The following ARID2 variants were observed in gnomAD, a reference collection of about 807,000 sequenced individuals.
ARID2 encodes AT-rich interaction domain 2.
A neutral mutation model predicts 184.6 loss-of-function variants in ARID2; 32 were observed. That is an observed-to-expected ratio of 0.17 (90% CI 0.13 to 0.23). The LOEUF (loss-of-function observed/expected upper bound fraction) is 0.23, where lower values mean the gene tolerates loss of function less well. ARID2 is among the 10% of genes least tolerant of loss of function. The probability of loss-of-function intolerance (pLI) is 1.00; values close to 1 mark genes in which losing one functional copy is unlikely to be tolerated. For synonymous variants in ARID2, 836 were observed against 772.6 expected, an observed-to-expected ratio of 1.08 and a Z score of -1.36; for missense variants, 1,696 against 2,197.6, an observed-to-expected ratio of 0.77 and a Z score of 4.56.
intron 3 of ARID2, among the ~76,000 whole-genome samples, chr12:45,739,438 C>CTTTTTTTTTTTTTTTTTTTTT (rs71067906): frequency 1.1e-5 from 1 of 90,780 alleles, no homozygotes; most frequent in Non-Finnish European, 2.0e-5. Flanking sequence ...TATAAAGTTA[C>CTTTTTTTTTTTTTTTTTTTTT]TTTTTTTTTT....
At chr12:45,758,413 G>A (rs1941611318) in intron 3 of ARID2, among the ~76,000 whole-genome samples, 1 of 151,580 alleles carries the variant, frequency 6.6e-6, no homozygotes, top group Admixed American at 6.6e-5. Flanking sequence ...AAGCTCATCA[G>A]CGATTGTTAG....
intron 6 of ARID2, among the ~76,000 whole-genome samples, chr12:45,834,537 C>A (rs1943179735): frequency 6.6e-6 from 1 of 152,098 alleles, no homozygotes; most frequent in African/African-American, 2.4e-5. Context: ...GAGGTTAGGA[C>A]TTCACGACCA....
At chr12:45,766,729 T>C (rs1228999671) in intron 3 of ARID2, among the ~76,000 whole-genome samples, 2 of 152,120 alleles carry the variant, frequency 1.3e-5, no homozygotes, top group African/African-American at 4.8e-5. Context: ...TTAGCCAGGA[T>C]GGTCTCGATC....
chr12:45,887,093 G>C (rs969939058), intron 16 of ARID2, among the ~76,000 whole-genome samples: 3 of 152,166 alleles, frequency 2.0e-5, no homozygotes, highest in African/African-American at 4.8e-5. Flanking sequence ...TTGCTCAGTT[G>C]AACCAAACAG....
intron 3 of ARID2, among the ~76,000 whole-genome samples, chr12:45,753,568 G>T (rs1379730918): frequency 1.3e-5 from 2 of 152,084 alleles, no homozygotes; most frequent in Non-Finnish European, 2.9e-5. Context: ...ATTATTTTCT[G>T]CTGATCCTGT....
chr12:45,777,924 G>A (rs1298736753), intron 3 of ARID2, among the ~76,000 whole-genome samples: 4 of 151,316 alleles, frequency 2.6e-5, no homozygotes, highest in South Asian at 2.1e-4. Flanking sequence ...GGTTAAAACC[G>A]GCCAGGCCCA....
At chr12:45,751,139 C>A (rs1941458147) in intron 3 of ARID2, among the ~76,000 whole-genome samples, 1 of 151,992 alleles carries the variant, frequency 6.6e-6, no homozygotes, top group Non-Finnish European at 1.5e-5. Context: ...AAAAATAAAG[C>A]AAATAAAGGG....
chr12:45,837,464 A>G (rs372273787), intron 9 of ARID2, 34 bp from the exon 10 acceptor site: 19 of 1,610,548 alleles, frequency 1.2e-5, no homozygotes, highest in African/African-American at 2.7e-5. Context: ...ACAAACTATC[A>G]TTTCTTAGTA....
At chr12:45,891,019 G>A (rs950149878) in intron 16 of ARID2, among the ~76,000 whole-genome samples, 17 of 152,062 alleles carry the variant, frequency 1.1e-4, no homozygotes, top group Non-Finnish European at 2.1e-4. Context: ...ACAAAAATTA[G>A]CCGCGCATGG....
At chr12:45,811,573 C>G (rs746714850) in intron 4 of ARID2, 22 bp downstream of exon 4, 1 of 1,610,846 alleles carries the variant, frequency 6.2e-7, no homozygotes, top group Non-Finnish European at 8.5e-7. Context: ...TGCAAATTAA[C>G]AGGATATATG....
At chr12:45,785,351 A>T (rs1211210385) in intron 3 of ARID2, among the ~76,000 whole-genome samples, 1 of 152,184 alleles carries the variant, frequency 6.6e-6, no homozygotes, top group Non-Finnish European at 1.5e-5. Context: ...GGTAACTAAT[A>T]TCATCATCAT....
chr12:45,889,531 C>A (rs1476542333), intron 16 of ARID2, among the ~76,000 whole-genome samples: 1 of 152,182 alleles, frequency 6.6e-6, no homozygotes, highest in Admixed American at 6.5e-5. Flanking sequence ...TCATCACTTA[C>A]ACTTCTCCCA....
intron 3 of ARID2, among the ~76,000 whole-genome samples, chr12:45,763,146 A>G (rs914019807): frequency 2.0e-5 from 3 of 152,228 alleles, no homozygotes; most frequent in African/African-American, 7.2e-5. Flanking sequence ...TATGTTCAAT[A>G]TAGTTTAGTA....
At chr12:45,815,066 T>C (rs1942781488) in intron 4 of ARID2, among the ~76,000 whole-genome samples, 1 of 152,238 alleles carries the variant, frequency 6.6e-6, no homozygotes, top group African/African-American at 2.4e-5. Flanking sequence ...GGAATATCTG[T>C]CATTTTACAG....
intron 20 of ARID2, among the ~76,000 whole-genome samples, chr12:45,903,929 C>T (rs574172168): frequency 3.7e-4 from 56 of 152,028 alleles, no homozygotes; most frequent in Non-Finnish European, 7.2e-4. Flanking sequence ...TTTTTTATAC[C>T]TGCCACCTAG....
chr12:45,773,387 G>A (rs1941915271), intron 3 of ARID2, among the ~76,000 whole-genome samples: 3 of 151,904 alleles, frequency 2.0e-5, no homozygotes, highest in Non-Finnish European at 4.4e-5. Context: ...AGGAGATAAT[G>A]AAGGTTCAAG....
rs183953717 is a variant in ARID2, at chr12:45,849,037, A to G, written c.1715+67A>G. The G allele has an allele frequency of 4.8e-5, 72 of 1,504,884 alleles. No individual in the cohort carries two copies. The Admixed American group carries it at 1.4e-3, about 30-fold the overall frequency. 93.2% of individuals were successfully genotyped at this position (1,504,884 alleles called of 1,614,324 possible). A position where few individuals can be genotyped will look rare whatever the true frequency, so the allele number is the denominator to read the frequency against. On this transcript the variant is annotated intron_variant, in intron 13 of 20. Transcript: ENST00000334344. ...TTACAACATCTCTTGCTCTTTAAAGAAAATACCAAATATCTTATCTAGTTT... is the reference window on the plus strand; with the variant it reads ...TTACAACATCTCTTGCTCTTTAAAGGAAATACCAAATATCTTATCTAGTTT...
At chr12:45,779,004 A>G (rs1323864450) in intron 3 of ARID2, among the ~76,000 whole-genome samples, 1 of 152,060 alleles carries the variant, frequency 6.6e-6, no homozygotes, top group Admixed American at 6.5e-5. Flanking sequence ...TATAAACAAT[A>G]ACTTTTCCAT....
At chr12:45,765,197 G>A (rs1941748959) in intron 3 of ARID2, among the ~76,000 whole-genome samples, 1 of 151,726 alleles carries the variant, frequency 6.6e-6, no homozygotes, top group African/African-American at 2.4e-5. Context: ...TCTTTATTGG[G>A]TTGTTTTCTT....
Sources: gnomAD v4.1 joint callset for allele counts (sites outside exome capture counted in the v4.1 genomes callset) on GRCh38, gnomAD v4.1.1 for gene constraint, MANE v1.5 for transcripts, NCBI Gene and HGNC (gene_info 2026-07-23, HGNC 2026-07-21) for gene names.